The following PARP10 variants were observed in gnomAD, a reference collection of about 807,000 sequenced individuals.
PARP10 encodes protein mono-ADP-ribosyltransferase PARP10.
Under a neutral mutation model 82.4 loss-of-function variants are expected in PARP10, and 56 were observed. The observed-to-expected ratio is 0.68, with a 90% confidence interval of 0.55 to 0.85. The LOEUF (loss-of-function observed/expected upper bound fraction) is 0.85. Among genes scored for constraint, PARP10 ranks in the 40% least tolerant of loss-of-function variants. The probability of loss-of-function intolerance (pLI) is 0.00; values close to 1 mark genes in which losing one functional copy is unlikely to be tolerated. For synonymous variants in PARP10, 576 were observed against 601.1 expected, an observed-to-expected ratio of 0.96 and a Z score of 0.61; for missense variants, 1,227 against 1,379.4, an observed-to-expected ratio of 0.89 and a Z score of 1.75.
At chr8:143,999,110 T>C (rs782765524) in intron 1 of PARP10, among the ~76,000 whole-genome samples, 3 of 151,990 alleles carry the variant, frequency 2.0e-5, no homozygotes, top group Non-Finnish European at 4.4e-5. Context: ...GGCACAGTCA[T>C]GGCTCACTGC....
intron 9 of PARP10, among the ~76,000 whole-genome samples, chr8:143,980,340 A>C (rs1267113325): frequency 2.1e-5 from 3 of 143,570 alleles, no homozygotes; most frequent in Non-Finnish European, 4.5e-5. Flanking sequence ...AAAAAAAAAA[A>C]AAAAAAAAAA....
intron 1 of PARP10, among the ~76,000 whole-genome samples, chr8:144,000,826 C>T (rs530201362): frequency 8.6e-5 from 13 of 151,904 alleles, no homozygotes; most frequent in South Asian, 8.3e-4. Flanking sequence ...AAGACAGGAT[C>T]GCTTGAGCCC....
At chr8:143,979,008 T>C (rs1340096245) in intron 9 of PARP10, among the ~76,000 whole-genome samples, 1 of 151,350 alleles carries the variant, frequency 6.6e-6, no homozygotes, top group African/African-American at 2.4e-5. Context: ...AGTCTGGCTG[T>C]GTCGCCCAGG....
intron 7 of PARP10, 63 bp from the exon 8 acceptor site, chr8:143,983,874 A>C (rs570992468): frequency 1.3e-6 from 2 of 1,520,696 alleles, no homozygotes; most frequent in South Asian, 2.6e-5. Flanking sequence ...AATGGATGAA[A>C]GATGGGGAGC....
chr8:143,986,891 A>C, upstream of PARP10: 1 of 173,496 alleles, frequency 5.8e-6, no homozygotes, highest in Non-Finnish European at 1.2e-5. Flanking sequence ...CAACCTTCTC[A>C]ACCCTGCTCC....
At chr8:143,980,238 T>C (rs1833816216) in intron 9 of PARP10, among the ~76,000 whole-genome samples, 1 of 135,944 alleles carries the variant, frequency 7.4e-6, no homozygotes, top group African/African-American at 2.8e-5. Context: ...GAGAATGGCG[T>C]GAACCCGGGA....
chr8:143,983,593 G>A lies in PARP10; in HGVS notation c.1996C>T (p.Pro666Ser). Residue 666 changes from proline (P) to serine (S), a missense_variant, in exon 8 of 11, where the codon CCT (proline) becomes TCT (serine). By Grantham distance (74) the Pro-to-Ser change is moderately conservative. Transcript: ENST00000313028. Reference sequence around the variant, plus strand: ...TCCTGCTCAGCCACCTGACCTTGAGGCTCCAGTGACCGGTGGAGGGCCAGC... The same window carrying A: ...TCCTGCTCAGCCACCTGACCTTGAGACTCCAGTGACCGGTGGAGGGCCAGC... ...LQLALHRSLE[P>S]QGQVAEQEEA... The A allele has an allele frequency of 1.2e-6, 2 of 1,605,590 alleles. No homozygotes were observed. The highest frequency in any genetic ancestry group is 1.7e-6 in the Non-Finnish European group (2 of 1,176,026).
upstream of PARP10, chr8:143,993,539 T>G (rs1554750943): frequency 6.5e-6 from 1 of 153,300 alleles, no homozygotes; most frequent in Non-Finnish European, 1.5e-5. Context: ...GTGCCAAGCC[T>G]CTGCCCACAC....
At chr8:144,009,785 G>A (rs1402504172) in intron 1 of PARP10, among the ~76,000 whole-genome samples, 3 of 152,100 alleles carry the variant, frequency 2.0e-5, no homozygotes, top group Admixed American at 6.6e-5. Flanking sequence ...AGGCCATCCT[G>A]CCCTCGTTCT....
Position 143,985,610 on chromosome 8 carries a change from G to A in PARP10, c.475C>T (p.Leu159=). Residue 159 remains leucine, a synonymous_variant, in exon 4 of 11, where the codon CTG becomes TTG. Transcript: ENST00000313028. ...GCCAGGGACACCAAGGTCCCCTCCA[G>A]GCCCAGATTCTGGGCCTGCTCCTCC... ...VLEEQAQNLG[L]EGTLVSLARV... The A allele has an allele frequency of 6.2e-7, 1 of 1,613,874 alleles. No homozygotes were observed. Among genetic ancestry groups the A allele is most frequent in the Non-Finnish European group, 8.5e-7 (1 of 1,179,978 alleles).
At position 143,985,656 on chromosome 8, in the gene PARP10, G is replaced by A. The variant is rs1554749141; in HGVS notation, c.437-8C>T. 8 of 1,612,032 alleles carry A rather than the reference G, an allele frequency of 5.0e-6. No individual in the cohort carries two copies. Among genetic ancestry groups the A allele is most frequent in the Non-Finnish European group, 6.8e-6 (8 of 1,179,306 alleles). ...CCTCCAGGACACGGACATCTGTGGG[G>A]TATGTGCAGGTCAGCTCAGGGAATC... On this transcript the variant is annotated splice_polypyrimidine_tract_variant and splice_region_variant and intron_variant, in intron 3 of 10. Coordinates refer to ENST00000313028, the MANE Select transcript of PARP10 (RefSeq NM_032789.5).
upstream of PARP10, chr8:143,986,552 G>T: frequency 1.2e-6 from 1 of 806,302 alleles, no homozygotes; most frequent in Non-Finnish European, 2.0e-6. Context: ...TCCTGCTGCA[G>T]CCTCAACCCC....
At chr8:143,991,912 C>T, upstream of PARP10, 1 of 1,612,940 alleles carries the variant, frequency 6.2e-7, no homozygotes, top group Non-Finnish European at 8.5e-7. Context: ...CTGTCGGTGA[C>T]CCTGTCCACG....
intron 1 of PARP10, among the ~76,000 whole-genome samples, chr8:144,000,293 C>T (rs975480671): frequency 3.3e-5 from 5 of 152,078 alleles, no homozygotes; most frequent in South Asian, 4.1e-4. Flanking sequence ...TTTTATAAAA[C>T]GGGGAAATTT....
intron 1 of PARP10, among the ~76,000 whole-genome samples, chr8:144,000,108 T>C (rs1047296384): frequency 6.6e-6 from 1 of 152,232 alleles, no homozygotes; most frequent in African/African-American, 2.4e-5. Context: ...CCCAACCATT[T>C]TACGAGCCCA....
Position 143,977,245 on chromosome 8 carries a change from C to CA in PARP10, c.*238_*239insT. ...GCGAGGTCTGGGAGCGGCGGGCGGG[C>CA]GGTGTCGCCTCCTGGGCTCTGCTGA... On this transcript the variant is annotated 3_prime_UTR_variant, in exon 11 of 11. Coordinates refer to ENST00000313028, the MANE Select transcript of PARP10 (RefSeq NM_032789.5). 2 of 528,960 alleles carry CA rather than the reference C, an allele frequency of 3.8e-6. No homozygotes were observed. The highest frequency in any genetic ancestry group is 6.6e-6 in the Non-Finnish European group (2 of 303,864). The allele number at this position is 528,960 out of a possible 1,614,324, so 32.8% of individuals were successfully genotyped here.
rs1267626989 is a variant in PARP10, at chr8:143,985,771, G to A, written c.386C>T (p.Pro129Leu). The A allele has an allele frequency of 6.2e-7, 1 of 1,611,384 alleles. No individual in the cohort carries two copies. The highest frequency in any genetic ancestry group is 8.5e-7 in the Non-Finnish European group (1 of 1,178,880). Residue 129 changes from proline to leucine, a missense_variant, in exon 3 of 11, where the codon CCC becomes CTC. Pro to Leu is a moderately conservative substitution (Grantham distance 98). Coordinates refer to ENST00000313028, the MANE Select transcript of PARP10 (RefSeq NM_032789.5). ...CTGGACCAGAGCCCGGTCTGGCCGG[G>A]GGCTGGCCAAGGCACAGCAAGGCTG... ...PVQPCCALAS[P>L]RPDRALVQLP...
At chr8:144,010,158 G>A (rs1218594121) in intron 1 of PARP10, among the ~76,000 whole-genome samples, 2 of 152,166 alleles carry the variant, frequency 1.3e-5, no homozygotes, top group African/African-American at 4.8e-5. Flanking sequence ...CCCACCTGCT[G>A]TACCCTCTCC....
At chr8:143,981,070 T>C (rs1833838096) in intron 9 of PARP10, among the ~76,000 whole-genome samples, 1 of 151,488 alleles carries the variant, frequency 6.6e-6, no homozygotes, top group Non-Finnish European at 1.5e-5. Flanking sequence ...AATTCAAGCA[T>C]ACCATTTAAA....
Sources: gnomAD v4.1 joint callset for allele counts (sites outside exome capture counted in the v4.1 genomes callset) on GRCh38, gnomAD v4.1.1 for gene constraint, MANE v1.5 for transcripts, NCBI Gene and HGNC (gene_info 2026-07-23, HGNC 2026-07-21) for gene names.